EPN2: variants seen among roughly 807,000 people sequenced by gnomAD.
EPN2 encodes epsin-2.
A neutral mutation model predicts 61.7 loss-of-function variants in EPN2; 34 were observed. The observed-to-expected ratio is 0.55, with a 90% CI of 0.42 to 0.73. The LOEUF (loss-of-function observed/expected upper bound fraction) is 0.73. Among genes scored for constraint, EPN2 ranks in the 30% least tolerant of loss-of-function variants. The pLI is 0.00. For missense variants in EPN2, 714 were observed against 839.2 expected (o/e 0.85, Z 1.84); for synonymous variants, 349 against 353.6 (o/e 0.99, Z 0.15).
intron 3 of EPN2, among the ~76,000 whole-genome samples, chr17:19,284,533 G>A (rs1309394725): frequency 6.6e-6 from 1 of 152,234 alleles, no homozygotes; most frequent in African/African-American, 2.4e-5. Context: ...GGCCTTTGGG[G>A]GACAGGGTGA....
chr17:19,270,259 T>C (rs1456471355), intron 1 of EPN2, among the ~76,000 whole-genome samples: 1 of 152,264 alleles, frequency 6.6e-6, no homozygotes, highest in Non-Finnish European at 1.5e-5. Context: ...TGTTTCTTAC[T>C]GCTCTTTTAA....
At chr17:19,276,045 A>C (rs1320269420) in intron 1 of EPN2, among the ~76,000 whole-genome samples, 2 of 152,108 alleles carry the variant, frequency 1.3e-5, no homozygotes, top group Non-Finnish European at 2.9e-5. Context: ...CTGATTTCTT[A>C]GTAAAATGAA....
intron 4 of EPN2, chr17:19,296,793 G>C (rs948396575): frequency 6.6e-6 from 1 of 152,216 alleles, no homozygotes; most frequent in African/African-American, 2.4e-5. Context: ...ATTTTTAGTA[G>C]AGACGAGGTC....
chr17:19,329,273 C>T, intron 8 of EPN2: 1 of 456,556 alleles, frequency 2.2e-6, no homozygotes, highest in East Asian at 3.6e-5. Flanking sequence ...TGATGCACCT[C>T]CACCACTGCC....
In EPN2 at chr17:19,283,440, G is replaced by C; in HGVS notation, c.321G>C (p.Lys107Asn). 6.2e-7 allele frequency: 1 copy of C among 1,614,172 alleles called. No homozygotes were observed. The highest frequency in any genetic ancestry group is 8.5e-7 in the Non-Finnish European group (1 of 1,180,024). Residue 107 changes from lysine to asparagine, a missense_variant, in exon 3 of 11, where the codon AAG (lysine) becomes AAC (asparagine). Lys to Asn is a moderately conservative substitution (Grantham distance 94). Transcript: ENST00000314728. The surrounding 1 kb of genome is among the most constrained non-coding windows in gnomAD (Gnocchi z 7.0). ...RENIFAIQTL[K>N]DFQYIDRDGK... ...ACATCTTCGCCATCCAGACCCTGAAGGACTTCCAGTACATTGACCGAGATG... is the reference window on the plus strand; with the variant it reads ...ACATCTTCGCCATCCAGACCCTGAACGACTTCCAGTACATTGACCGAGATG...
chr17:19,295,113 CTTTGT>C (rs1191364567), intron 4 of EPN2, among the ~76,000 whole-genome samples: 2 of 152,028 alleles, frequency 1.3e-5, no homozygotes, highest in African/African-American at 4.8e-5. Context: ...CTCTTATTTG[CTTTGT>C]TTTGTCTCCC....
chr17:19,281,946 A>AT lies in EPN2; in HGVS notation c.-293-6dup, dbSNP rs1483819378. On this transcript the variant is annotated splice_polypyrimidine_tract_variant and intron_variant, in intron 1 of 10. Transcript: ENST00000314728. Reference sequence around the variant, plus strand: ...TGTTTTTAATCTGTAACATTCATTTATTTAACAGTGTTCATTTCTGTGTCG... The same window carrying AT: ...TGTTTTTAATCTGTAACATTCATTTATTTTAACAGTGTTCATTTCTGTGTCG... 1 of 152,160 alleles carries AT rather than the reference A, an allele frequency of 6.6e-6. No individual in the cohort carries two copies. Among genetic ancestry groups the AT allele is most frequent in the Admixed American group, 6.5e-5 (1 of 15,274 alleles). 9.4% of individuals were successfully genotyped at this position (152,160 alleles called of 1,614,324 possible). A position where few individuals can be genotyped will look rare whatever the true frequency, so the allele number is the denominator to read the frequency against.
chr17:19,309,961 G>T lies in EPN2; in HGVS notation c.843G>T (p.Gln281His). Reference sequence around the variant, plus strand: ...GTGGAGAAGAGGAGCTTCAGCTGCAGCTGGCACTTGCCATGAGCAGAGAAG... The same window carrying T: ...GTGGAGAAGAGGAGCTTCAGCTGCATCTGGCACTTGCCATGAGCAGAGAAG... Reference protein sequence around the residue: ...QTSGEEELQLQLALAMSREVA... With the variant: ...QTSGEEELQLHLALAMSREVA... The change falls in exon 5 of 11, where the codon CAG (glutamine) becomes CAT (histidine). Residue 281 changes from glutamine to histidine, a missense_variant. Gln to His is a conservative substitution (Grantham distance 24). This residue lies in a region of EPN2 where 304 missense variants were observed against 417.4 expected (regional missense o/e 0.73). Coordinates refer to ENST00000314728, the MANE Select transcript of EPN2 (RefSeq NM_014964.5). 1 of 1,608,638 alleles carries T rather than the reference G, an allele frequency of 6.2e-7. No homozygotes were observed.
chr17:19,291,830 TG>T (rs2045468596), intron 4 of EPN2, among the ~76,000 whole-genome samples: 1 of 152,154 alleles, frequency 6.6e-6, no homozygotes, highest in Non-Finnish European at 1.5e-5. Context: ...CCAGGCACAG[TG>T]GGCCCTCAGA....
Position 19,313,119 on chromosome 17 carries a change from A to G in EPN2, c.987A>G (p.Pro329=). ...IPKKKEHGSL[P]QQTTLLDLMD... ...TGTCTTAAAAGCATGGCTCTCTCCC[A>G]CAGCAGACTACGCTGTTGGATTTAA... is the stretch of plus-strand genomic sequence containing the variant. The change falls in exon 7 of 11, where the codon CCA becomes CCG. Residue 329 remains proline, a synonymous_variant. Transcript: ENST00000314728. 1 of 1,613,748 alleles carries G rather than the reference A, an allele frequency of 6.2e-7. No homozygotes were observed. The highest frequency in any genetic ancestry group is 2.2e-5 in the East Asian group (1 of 44,848).
At chr17:19,317,032 A>G (rs1170112750) in intron 7 of EPN2, among the ~76,000 whole-genome samples, 2 of 152,350 alleles carry the variant, frequency 1.3e-5, no homozygotes, top group Middle Eastern at 3.4e-3. Context: ...GTTAAATCCA[A>G]TAGTGCAAAT....
chr17:19,312,958 C>T (rs1033914713), intron 6 of EPN2, 147 bp from the exon 7 acceptor site: 16 of 752,778 alleles, frequency 2.1e-5, no homozygotes, highest in African/African-American at 9.1e-5. Context: ...GGAGATGGGA[C>T]GGCTCAGTTT....
chr17:19,250,658 G>T (rs1230444191), intron 1 of EPN2, among the ~76,000 whole-genome samples: 1 of 152,064 alleles, frequency 6.6e-6, no homozygotes, highest in Non-Finnish European at 1.5e-5. Flanking sequence ...CTCTAGTTGG[G>T]GCTTGCGGGT....
Position 19,263,182 on chromosome 17 carries a change from AT to A in EPN2, c.-293-18770del, listed in dbSNP as rs931570820. On this transcript the variant is annotated intron_variant, in intron 1 of 10. Coordinates refer to ENST00000314728, the MANE Select transcript of EPN2 (RefSeq NM_014964.5). ...TGTTCAGCAGAGAGTGACACACATC[AT>A]TTCTATCTCATCTCATTGCCGTGCC... 1.3e-3 allele frequency among the ~76,000 whole-genome samples: 191 copies of A among 152,288 alleles called. 1 individual carries two copies. Among genetic ancestry groups the A allele is most frequent in the African/African-American group, 4.4e-3 (183 of 41,566 alleles).
intron 4 of EPN2, among the ~76,000 whole-genome samples, chr17:19,287,993 C>T (rs1028009864): frequency 6.6e-6 from 1 of 152,202 alleles, no homozygotes; most frequent in Admixed American, 6.5e-5. Flanking sequence ...GACCAATTTC[C>T]TGCTGTCATT....
At chr17:19,250,842 C>T (rs2045007827) in intron 1 of EPN2, among the ~76,000 whole-genome samples, 2 of 150,946 alleles carry the variant, frequency 1.3e-5, no homozygotes, top group African/African-American at 2.4e-5. Context: ...ACTTGCCCCC[C>T]TGCACCTCCC....
intron 7 of EPN2, 63 bp downstream of exon 7, chr17:19,313,342 C>T (rs1225157748): frequency 1.4e-6 from 2 of 1,438,020 alleles, no homozygotes; most frequent in East Asian, 2.6e-5. Context: ...CAGGGCAGTG[C>T]TTCTTGCTGT....
rs1907365361 is a variant in EPN2, at chr17:19,335,439, G to A, written c.*1185G>A. The A allele has an allele frequency of 6.5e-7, 1 of 1,549,928 alleles. No individual in the cohort carries two copies. Among genetic ancestry groups the A allele is most frequent in the Admixed American group, 2.0e-5 (1 of 50,946 alleles). ...GATTAACAGGACTTCTGTTTACAAT[G>A]GAAATCTGAAATGGAAGAAACATCT... On this transcript the variant is annotated 3_prime_UTR_variant, in exon 11 of 11. Transcript: ENST00000314728.
chr17:19,253,388 A>G (rs990878352), intron 1 of EPN2, among the ~76,000 whole-genome samples: 1 of 138,052 alleles, frequency 7.2e-6, no homozygotes, highest in African/African-American at 2.7e-5. Flanking sequence ...TTGTTTCCAC[A>G]TTTGGCTATT....
Sources: gnomAD v4.1 joint callset for allele counts (sites outside exome capture counted in the v4.1 genomes callset) on GRCh38, gnomAD v4.1.1 for gene constraint, gnomAD v4.1.1 regional missense constraint, Gnocchi (gnomAD v3.1) non-coding constraint, MANE v1.5 for transcripts, NCBI Gene and HGNC (gene_info 2026-07-23, HGNC 2026-07-21) for gene names.